Variants in CHM observed in about 807,000 individuals in gnomAD.
CHM encodes the protein rab proteins geranylgeranyltransferase component A 1.
A neutral mutation model predicts 49.0 loss-of-function variants in CHM; 10 were observed. The ratio of observed to expected loss-of-function variants is 0.20; its 90% CI spans 0.13 to 0.35. CHM has a LOEUF of 0.35. CHM is among the 10% of genes least tolerant of loss of function. The pLI is 1.00. For synonymous variants in CHM, 184 were observed against 167.5 expected (o/e 1.10, Z -0.76); for missense variants, 455 against 478.4 (o/e 0.95, Z 0.46).
At chrX:85,979,181 T>C (rs941860800) in intron 3 of CHM, among the ~76,000 whole-genome samples, 32 of 112,070 alleles carry the variant, frequency 2.9e-4, no homozygotes, top group African/African-American at 1.0e-3. Flanking sequence ...TGTTTGGACA[T>C]TGCTTAAGAA....
chrX:85,976,460 A>C (rs1203252747), intron 4 of CHM, among the ~76,000 whole-genome samples: 3 of 110,720 alleles, frequency 2.7e-5, no homozygotes, highest in African/African-American at 6.6e-5. Context: ...GTCTCTACTA[A>C]AAATACAAAA....
At chrX:85,956,000 T>C (rs1182219986) in intron 8 of CHM, among the ~76,000 whole-genome samples, 153 bp downstream of exon 8, 2 of 112,352 alleles carry the variant, frequency 1.8e-5, no homozygotes, top group Non-Finnish European at 1.9e-5. Context: ...GGTGGGTAGA[T>C]AGGTAGGTAA....
intron 1 of CHM, among the ~76,000 whole-genome samples, chrX:86,038,631 C>T (rs1267184377): frequency 8.9e-6 from 1 of 112,068 alleles, no homozygotes; most frequent in Non-Finnish European, 1.9e-5. Flanking sequence ...CCTACTGAAG[C>T]AAATCATTTC....
chrX:85,866,981 C>T lies in CHM; in HGVS notation c.1771-2160G>A, dbSNP rs749901546. Among the ~76,000 whole-genome samples the T allele has an allele frequency of 9.4e-4, 106 of 112,302 alleles. 1 individual carries two copies. The highest frequency in any genetic ancestry group is 8.8e-4 in the Non-Finnish European group (47 of 53,213). ...GACTTGTCTCAGATGAGACTTTGGA[C>T]GTGGACTTTTGAGTTAATGCTGGAA... On this transcript the variant is annotated intron_variant, in intron 14 of 14. Coordinates refer to ENST00000357749, the MANE Select transcript of CHM (RefSeq NM_000390.4).
intron 8 of CHM, among the ~76,000 whole-genome samples, chrX:85,936,164 A>T (rs952622667): frequency 8.9e-6 from 1 of 112,038 alleles, no homozygotes; most frequent in Non-Finnish European, 1.9e-5. Context: ...AAGCAAATAC[A>T]TCTATCAACA....
intron 12 of CHM, among the ~76,000 whole-genome samples, chrX:85,891,577 T>C (rs1007906872): frequency 8.9e-5 from 10 of 112,382 alleles, no homozygotes; most frequent in East Asian, 2.8e-4. Flanking sequence ...AAGTTAAGAA[T>C]TGGGGTTTGG....
At chrX:85,917,746 C>T (rs1019307427) in intron 8 of CHM, among the ~76,000 whole-genome samples, 5 of 109,007 alleles carry the variant, frequency 4.6e-5, no homozygotes, top group African/African-American at 1.7e-4. Flanking sequence ...AAAAAAATCA[C>T]TACAGGAATT....
intron 4 of CHM, among the ~76,000 whole-genome samples, chrX:85,974,201 C>T (rs1931119688): frequency 8.9e-6 from 1 of 111,831 alleles, no homozygotes; most frequent in African/African-American, 3.2e-5. Context: ...AAAACATGTA[C>T]AGGATCAGTA....
chrX:85,918,025 G>A (rs148476396), intron 8 of CHM, among the ~76,000 whole-genome samples: 229 of 111,505 alleles, frequency 2.1e-3, no homozygotes, highest in African/African-American at 7.2e-3. Flanking sequence ...CCCCAACCTT[G>A]CTAGGGAGGT....
At chrX:85,934,041 C>T (rs1264306817) in intron 8 of CHM, among the ~76,000 whole-genome samples, 1 of 107,077 alleles carries the variant, frequency 9.3e-6, no homozygotes, top group Non-Finnish European at 1.9e-5. Flanking sequence ...AGTGCAGTAG[C>T]GCAATCTCGG....
At chrX:85,880,305 A>G (rs929508504) in intron 12 of CHM, among the ~76,000 whole-genome samples, 21 of 111,625 alleles carry the variant, frequency 1.9e-4, no homozygotes, top group Non-Finnish European at 1.9e-5. Context: ...GAGCTTCATA[A>G]CAAAAATTAT....
intron 8 of CHM, among the ~76,000 whole-genome samples, chrX:85,921,705 G>C (rs1215668954): frequency 8.9e-6 from 1 of 112,242 alleles, no homozygotes; most frequent in Non-Finnish European, 1.9e-5. Flanking sequence ...ATGCCTACAT[G>C]TCACGAGACA....
Position 85,863,538 on chromosome X carries a change from T to C in CHM, c.*1092A>G, listed in dbSNP as rs1923499483. ...CCACAATTCTACTTGTTACTATTTT[T>C]ACTGGTCTGTAAGACTATAAAATAC... On this transcript the variant is annotated 3_prime_UTR_variant, in exon 15 of 15. Coordinates refer to ENST00000357749, the MANE Select transcript of CHM (RefSeq NM_000390.4). The C allele has an allele frequency of 8.9e-6, 1 of 112,205 alleles. No individual in the cohort carries two copies. Among genetic ancestry groups the C allele is most frequent in the African/African-American group, 3.2e-5 (1 of 30,898 alleles). 9.2% of individuals were successfully genotyped at this position (112,205 alleles called of 1,213,427 possible). A position where few individuals can be genotyped will look rare whatever the true frequency, so the allele number is the denominator to read the frequency against.
chrX:86,026,320 C>T (rs1289676762), intron 2 of CHM, among the ~76,000 whole-genome samples: 1 of 106,971 alleles, frequency 9.3e-6, no homozygotes, highest in Non-Finnish European at 1.9e-5. Flanking sequence ...GATGGAGTTT[C>T]ATCATGTTGG....
chrX:85,892,128 G>C (rs142388507), intron 12 of CHM, among the ~76,000 whole-genome samples: 1,163 of 111,807 alleles, frequency 0.01, 16 homozygotes, highest in African/African-American at 0.036. Context: ...TAACTAACTT[G>C]CTTTTGATTT....
chrX:85,969,469 T>A (rs747736063), intron 4 of CHM: 1 of 701,182 alleles, frequency 1.4e-6, no homozygotes, highest in East Asian at 1.6e-4. Flanking sequence ...AACTATTACA[T>A]GGTAAGAAAG....
At chrX:85,930,261 A>G (rs1928350355) in intron 8 of CHM, among the ~76,000 whole-genome samples, 1 of 111,639 alleles carries the variant, frequency 9.0e-6, no homozygotes, top group African/African-American at 3.3e-5. Context: ...TGGTAGTAAC[A>G]GACACATGAA....
At chrX:86,011,840 T>C (rs370505029) in intron 2 of CHM, among the ~76,000 whole-genome samples, 2 of 110,624 alleles carry the variant, frequency 1.8e-5, no homozygotes, top group African/African-American at 6.6e-5. Context: ...CACTCTGAAG[T>C]TGGAGGAAGG....
rs1283460205 is a variant in CHM, at chrX:85,897,175, TTA to T, written c.1414-2893_1414-2892del. Among the ~76,000 whole-genome samples, 29 of 96,895 alleles carry T rather than the reference TTA, an allele frequency of 3.0e-4. No individual in the cohort carries two copies. In the East Asian group the frequency reaches 8.3e-3, roughly 28 times the overall value. The allele number at this position is 96,895 out of a possible 115,157, so 84.1% of individuals were successfully genotyped here. A position where few individuals can be genotyped will look rare whatever the true frequency, so the allele number is the denominator to read the frequency against. On this transcript the variant is annotated intron_variant, in intron 11 of 14. Transcript: ENST00000357749. ...ATAGCATATATATCTAATATATATA[TTA>T]TATATATACTATATATTATAAAGTA...
Sources: allele counts gnomAD v4.1 joint callset (sites outside exome capture counted in the v4.1 genomes callset), GRCh38; gene constraint gnomAD v4.1.1; transcripts MANE v1.5; gene names NCBI Gene and HGNC (gene_info 2026-07-23, HGNC 2026-07-21).